The following LRRC4C variants were observed in gnomAD, a reference collection of about 807,000 sequenced individuals.
LRRC4C encodes the protein leucine rich repeat containing 4C.
In LRRC4C, 5 loss-of-function variants were observed where a neutral mutation model predicts 33.6. The ratio of observed to expected loss-of-function variants is 0.15; its 90% confidence interval spans 0.08 to 0.31. LRRC4C has a LOEUF of 0.31. LRRC4C is among the 10% of genes least tolerant of loss of function. The probability of loss-of-function intolerance (pLI) is 1.00; values close to 1 mark genes in which losing one functional copy is unlikely to be tolerated. For synonymous variants in LRRC4C, 329 were observed against 302.0 expected (o/e 1.09, Z -0.93); for missense variants, 560 against 796.7 (o/e 0.70, Z 3.58).
At chr11:40,192,220 G>A (rs1048907381) in intron 5 of LRRC4C, among the ~76,000 whole-genome samples, 8 of 152,104 alleles carry the variant, frequency 5.3e-5, no homozygotes, top group African/African-American at 1.7e-4. Flanking sequence ...AGCTCCCAGC[G>A]AGAACAACAC....
At chr11:41,122,584 A>T (rs1013915959) in intron 1 of LRRC4C, among the ~76,000 whole-genome samples, 1 of 151,982 alleles carries the variant, frequency 6.6e-6, no homozygotes, top group Non-Finnish European at 1.5e-5. Flanking sequence ...GCCAATCATC[A>T]TACAGGTTAG....
chr11:41,029,884 A>C (rs1590290379), intron 1 of LRRC4C, among the ~76,000 whole-genome samples: 1 of 151,866 alleles, frequency 6.6e-6, no homozygotes, highest in East Asian at 1.9e-4. Context: ...GGAAAACACA[A>C]GGAAGCCAAC....
intron 5 of LRRC4C, among the ~76,000 whole-genome samples, chr11:40,221,589 A>G (rs1864422733): frequency 6.6e-6 from 1 of 152,150 alleles, no homozygotes; most frequent in Admixed American, 6.5e-5. Context: ...CTTATGCCCA[A>G]TTTCTGCCTC....
chr11:40,771,386 G>A lies in LRRC4C; in HGVS notation c.-406-123108C>T, dbSNP rs550256556. Among the ~76,000 whole-genome samples, 28 of 152,256 alleles carry A rather than the reference G, an allele frequency of 1.8e-4. No homozygotes were observed. In the South Asian group the frequency reaches 5.4e-3, roughly 29 times the overall value. On this transcript the variant is annotated intron_variant, in intron 2 of 6. Coordinates refer to ENST00000528697, the MANE Select transcript of LRRC4C (RefSeq NM_001258419.2). ...TCTGCACAGAACAGCAGAGGCCTGG[G>A]CCCAGCCCAGGAAACCATTTTTCCC...
In LRRC4C at chr11:40,652,094, A is replaced by G. The variant is rs533639301; in HGVS notation, c.-406-3816T>C. Among the ~76,000 whole-genome samples the G allele has an allele frequency of 8.5e-5, 13 of 152,246 alleles. No individual in the cohort carries two copies. In the South Asian group the frequency reaches 2.7e-3, roughly 32 times the overall value. ...TTAGCAGGGTCTCATTACTTTCCTG[A>G]AAGCCACAAACATCCACCGTGCACC... On this transcript the variant is annotated intron_variant, in intron 2 of 6. Transcript: ENST00000528697.
intron 5 of LRRC4C, among the ~76,000 whole-genome samples, chr11:40,205,839 G>A (rs1863107747): frequency 6.6e-6 from 1 of 152,112 alleles, no homozygotes; most frequent in South Asian, 2.1e-4. Context: ...GGCCCGCTTG[G>A]TTCTCACTGA....
At chr11:40,254,781 A>T (rs1867070855) in intron 4 of LRRC4C, among the ~76,000 whole-genome samples, 1 of 152,156 alleles carries the variant, frequency 6.6e-6, no homozygotes, top group Non-Finnish European at 1.5e-5. Context: ...AGAAAGAGAC[A>T]ATCAAAAAAT....
chr11:40,750,639 C>T (rs1948643666), intron 2 of LRRC4C, among the ~76,000 whole-genome samples: 1 of 122,082 alleles, frequency 8.2e-6, no homozygotes, highest in Non-Finnish European at 1.6e-5. Flanking sequence ...GAACATCACA[C>T]ATCGGGACTG....
At chr11:40,423,116 G>A (rs1384072689) in intron 3 of LRRC4C, among the ~76,000 whole-genome samples, 1 of 151,944 alleles carries the variant, frequency 6.6e-6, no homozygotes, top group East Asian at 1.9e-4. Context: ...GGTCACCTGG[G>A]TAACTTCAAG....
chr11:40,459,054 T>C (rs77371505), intron 3 of LRRC4C, among the ~76,000 whole-genome samples: 6,200 of 152,178 alleles, frequency 0.041, 407 homozygotes, highest in African/African-American at 0.14. Flanking sequence ...ATGAGGGTAT[T>C]TAACATATAA....
chr11:40,800,017 C>G (rs1950979473), intron 2 of LRRC4C, among the ~76,000 whole-genome samples: 1 of 151,884 alleles, frequency 6.6e-6, no homozygotes, highest in South Asian at 2.1e-4. Context: ...GAAAAGAAGT[C>G]AGAGGAGAAA....
intron 1 of LRRC4C, among the ~76,000 whole-genome samples, chr11:41,379,253 C>T (rs1027345400): frequency 1.1e-4 from 16 of 152,150 alleles, no homozygotes; most frequent in Non-Finnish European, 1.5e-4. Flanking sequence ...TGTGATTTTA[C>T]ATTCATGCAT....
chr11:40,979,658 G>A (rs865971067), intron 1 of LRRC4C, among the ~76,000 whole-genome samples: 30 of 152,290 alleles, frequency 2.0e-4, no homozygotes, highest in South Asian at 4.2e-4. Context: ...TAATGGTAAA[G>A]TTTCTAAGAA....
At chr11:41,262,332 A>G (rs951501300) in intron 1 of LRRC4C, among the ~76,000 whole-genome samples, 1 of 151,954 alleles carries the variant, frequency 6.6e-6, no homozygotes, top group African/African-American at 2.4e-5. Context: ...AATCTAAAAT[A>G]TCTATTATGT....
intron 3 of LRRC4C, among the ~76,000 whole-genome samples, chr11:40,399,368 T>A (rs1278295225): frequency 6.6e-6 from 1 of 151,970 alleles, no homozygotes; most frequent in Non-Finnish European, 1.5e-5. Flanking sequence ...AAATGATGAG[T>A]TCATGTCCTT....
intron 4 of LRRC4C, among the ~76,000 whole-genome samples, chr11:40,315,893 A>C (rs567636406): frequency 6.6e-6 from 1 of 152,154 alleles, no homozygotes; most frequent in African/African-American, 2.4e-5. Context: ...TTTAAAGAGC[A>C]ATGAGGAGGC....
chr11:41,152,888 C>A (rs765235041), intron 1 of LRRC4C, among the ~76,000 whole-genome samples: 2 of 152,110 alleles, frequency 1.3e-5, no homozygotes, highest in Non-Finnish European at 1.5e-5. Flanking sequence ...CAAGCTCATA[C>A]CACTAGCCAA....
At chr11:40,346,513 C>T (rs1399556083) in intron 3 of LRRC4C, among the ~76,000 whole-genome samples, 1 of 152,054 alleles carries the variant, frequency 6.6e-6, no homozygotes, top group Non-Finnish European at 1.5e-5. Context: ...AACACATGGA[C>T]ACACAGAGGG....
At chr11:40,440,731 T>C (rs1951354888) in intron 3 of LRRC4C, among the ~76,000 whole-genome samples, 1 of 152,170 alleles carries the variant, frequency 6.6e-6, no homozygotes. Flanking sequence ...AAACCCAGCT[T>C]TATTCTCTCC....
Sources: gnomAD v4.1 joint callset for allele counts (sites outside exome capture counted in the v4.1 genomes callset) on GRCh38, gnomAD v4.1.1 for gene constraint, MANE v1.5 for transcripts, NCBI Gene and HGNC (gene_info 2026-07-23, HGNC 2026-07-21) for gene names.